The following IGSF5 variants were observed in gnomAD, a reference collection of about 807,000 sequenced individuals.
The protein encoded by IGSF5 is immunoglobulin superfamily 5 like.
A neutral mutation model predicts 39.4 loss-of-function variants in IGSF5; 41 were observed. The ratio of observed to expected loss-of-function variants is 1.04; its 90% CI spans 0.81 to 1.35. The LOEUF (loss-of-function observed/expected upper bound fraction) is 1.35. Among genes scored for constraint, IGSF5 ranks in the 40% most tolerant of loss-of-function variants. IGSF5 has a pLI of 0.00. For synonymous variants in IGSF5, 183 were observed against 175.3 expected, an observed-to-expected ratio of 1.04 and a Z score of -0.34; for missense variants, 487 against 494.6, an observed-to-expected ratio of 0.98 and a Z score of 0.15.
chr21:39,755,427 A>G (rs2080024395), intron 2 of IGSF5, among the ~76,000 whole-genome samples: 1 of 152,106 alleles, frequency 6.6e-6, no homozygotes, highest in African/African-American at 2.4e-5. Flanking sequence ...TCTACTGAAA[A>G]TACAAAAAAA....
chr21:39,741,406 G>C (rs1381854543), upstream of IGSF5, among the ~76,000 whole-genome samples: 1 of 152,218 alleles, frequency 6.6e-6, no homozygotes, highest in Non-Finnish European at 1.5e-5. Context: ...TCCTCACTGA[G>C]GGCCCTGGTG....
intron 4 of IGSF5, among the ~76,000 whole-genome samples, chr21:39,775,385 C>G (rs148056317): frequency 6.6e-6 from 1 of 152,146 alleles, no homozygotes; most frequent in African/African-American, 2.4e-5. Flanking sequence ...TCTCTTGTGT[C>G]GCCTCTAGTG....
chr21:39,725,827 T>C, the IGSF5 span: 1 of 152,152 alleles, frequency 6.6e-6, no homozygotes, highest in Admixed American at 6.5e-5. Context: ...CAGCCGTTAA[T>C]TGTGTTTTAG....
At chr21:39,776,627 G>A (rs2080142565) in intron 4 of IGSF5, among the ~76,000 whole-genome samples, 1 of 152,124 alleles carries the variant, frequency 6.6e-6, no homozygotes, top group South Asian at 2.1e-4. Flanking sequence ...TGTTAAACAT[G>A]CATTCTCTGA....
rs1034605711 is a variant in IGSF5 at position 39,783,621 on chromosome 21, A to C, written c.934+4316A>C. ...AGTTCCTTATATAGTCTGGATATTA[A>C]TCCCCTGTTGGATGAATAGTTTGCA... On this transcript the variant is annotated intron_variant, in intron 5 of 8. Coordinates refer to ENST00000380588, the MANE Select transcript of IGSF5 (RefSeq NM_001080444.2). 3.9e-5 allele frequency among the ~76,000 whole-genome samples: 6 copies of C among 152,246 alleles called. No individual in the cohort carries two copies. In the East Asian group the frequency reaches 9.6e-4, roughly 24 times the overall value.
chr21:39,797,563 C>A (rs1226855047), intron 8 of IGSF5, among the ~76,000 whole-genome samples: 2 of 152,108 alleles, frequency 1.3e-5, no homozygotes, highest in Admixed American at 1.3e-4. Flanking sequence ...GTTGCCCAGG[C>A]TGGATTGCAG....
intron 2 of IGSF5, among the ~76,000 whole-genome samples, chr21:39,758,824 C>A (rs7278447): frequency 0.43 from 64,666 of 152,026 alleles, 14,133 homozygotes; most frequent in Non-Finnish European, 0.48. Flanking sequence ...TTTTGTGTTC[C>A]CAACTAGATT....
At chr21:39,769,561 T>G (rs2080104062) in intron 3 of IGSF5, among the ~76,000 whole-genome samples, 1 of 149,862 alleles carries the variant, frequency 6.7e-6, no homozygotes, top group Non-Finnish European at 1.5e-5. Flanking sequence ...TAAATACTCC[T>G]CACTGTTCCA....
At chr21:39,742,300 C>G (rs1281557757), upstream of IGSF5, among the ~76,000 whole-genome samples, 1 of 152,168 alleles carries the variant, frequency 6.6e-6, no homozygotes, top group African/African-American at 2.4e-5. Context: ...GCTCCCCAGT[C>G]ACAACTTAGT....
chr21:39,770,867 C>A (rs745394669), intron 3 of IGSF5, 49 bp from the exon 4 acceptor site: 2 of 1,234,308 alleles, frequency 1.6e-6, no homozygotes, highest in Non-Finnish European at 1.1e-6. Flanking sequence ...AACTTAGAAG[C>A]GAGAGGCATG....
At chr21:39,744,389 C>G (rs2079962009), upstream of IGSF5, among the ~76,000 whole-genome samples, 1 of 152,232 alleles carries the variant, frequency 6.6e-6, no homozygotes, top group African/African-American at 2.4e-5. Flanking sequence ...TTGAGATAGT[C>G]TTTTGATTCT....
At position 39,770,947 on chromosome 21, in the gene IGSF5, T is replaced by A; in HGVS notation, c.450T>A (p.Asn150Lys). The change falls in exon 4 of 9, where the codon AAT (asparagine) becomes AAA (lysine). Residue 150 changes from asparagine to lysine, a missense_variant. By Grantham distance (94) the Asn-to-Lys change is moderately conservative. Transcript: ENST00000380588. The part of the protein sequence containing the change: ...VMGELFIPSV[N>K]LVVAENEPCE... ...GAGAGCTGTTCATTCCCAGTGTTAA[T>A]CTTGTAGTCGCTGAGAATGAACCTT... The A allele has an allele frequency of 6.3e-7, 1 of 1,595,356 alleles. No individual in the cohort carries two copies.
chr21:39,740,381 T>A (rs2079943364), upstream of IGSF5, among the ~76,000 whole-genome samples: 1 of 152,210 alleles, frequency 6.6e-6, no homozygotes, highest in African/African-American at 2.4e-5. Context: ...GGCTTCCTGA[T>A]GTTTGATAGG....
At chr21:39,731,816 G>A in the IGSF5 span, among the ~76,000 whole-genome samples, 1 of 152,152 alleles carries the variant, frequency 6.6e-6, no homozygotes, top group South Asian at 2.1e-4. Flanking sequence ...AACCTTCCCA[G>A]GCTTTTATGG....
chr21:39,801,680 G>A lies in IGSF5; in HGVS notation c.*323G>A, dbSNP rs1033348586. On this transcript the variant is annotated 3_prime_UTR_variant, in exon 9 of 9. Coordinates refer to ENST00000380588, the MANE Select transcript of IGSF5 (RefSeq NM_001080444.2). The stretch of plus-strand genomic sequence containing the variant: ...TCCAACAAATGGTAGATAAAAGTCT[G>A]TATTCTACCATGCCTTTCAAAAGTT... The A allele has an allele frequency of 4.8e-5, 10 of 210,124 alleles. No homozygotes were observed. Among genetic ancestry groups the A allele is most frequent in the Admixed American group, 2.1e-4 (4 of 18,822 alleles). The allele number at this position is 210,124 out of a possible 1,614,324, so 13.0% of individuals were successfully genotyped here.
At chr21:39,744,596 G>A (rs573075945), upstream of IGSF5, among the ~76,000 whole-genome samples, 111 of 152,098 alleles carry the variant, frequency 7.3e-4, no homozygotes, top group Admixed American at 6.7e-3. Flanking sequence ...AGGTCTGGTC[G>A]GACCTTTGTA....
Position 39,773,766 on chromosome 21 carries a change from GTA to G in IGSF5, c.718+2553_718+2554del, listed in dbSNP as rs575432833. ...AGTTAGTCTACTTAAATATGATAAA[GTA>G]TGGTCCAAACTTTGAAAGAGAAGAT... is the stretch of plus-strand genomic sequence containing the variant. On this transcript the variant is annotated intron_variant, in intron 4 of 8. Coordinates refer to ENST00000380588, the MANE Select transcript of IGSF5 (RefSeq NM_001080444.2). Among the ~76,000 whole-genome samples, 184 of 152,224 alleles carry G rather than the reference GTA, an allele frequency of 1.2e-3. 1 individual carries two copies. The highest frequency in any genetic ancestry group is 3.7e-3 in the African/African-American group (152 of 41,520).
chr21:39,728,686 C>A, the IGSF5 span, among the ~76,000 whole-genome samples: 2 of 152,104 alleles, frequency 1.3e-5, no homozygotes, highest in Admixed American at 6.5e-5. Context: ...TATTAGAAAC[C>A]CAAGCTAGGA....
the IGSF5 span, among the ~76,000 whole-genome samples, chr21:39,735,865 G>A: frequency 6.6e-6 from 1 of 152,204 alleles, no homozygotes; most frequent in African/African-American, 2.4e-5. Flanking sequence ...ACAGCTTAGA[G>A]TTGTAAATCC....
Sources: allele counts gnomAD v4.1 joint callset (sites outside exome capture counted in the v4.1 genomes callset), GRCh38; gene constraint gnomAD v4.1.1; transcripts MANE v1.5; gene names NCBI Gene and HGNC (gene_info 2026-07-23, HGNC 2026-07-21).